ASNS: variants seen among roughly 807,000 people sequenced by gnomAD.
ASNS encodes asparagine synthetase [glutamine-hydrolyzing].
A neutral mutation model predicts 62.6 loss-of-function variants in ASNS; 37 were observed. That is an observed-to-expected ratio of 0.59 (90% CI 0.45 to 0.78). ASNS has a LOEUF of 0.78. ASNS is among the 30% of genes least tolerant of loss of function. ASNS has a pLI of 0.00. For synonymous variants in ASNS, 207 were observed against 237.9 expected (o/e 0.87, Z 1.19); for missense variants, 520 against 682.4 (o/e 0.76, Z 2.65).
chr7:97,875,205 G>C (rs1792412716), upstream of ASNS, among the ~76,000 whole-genome samples: 1 of 152,158 alleles, frequency 6.6e-6, no homozygotes, highest in Non-Finnish European at 1.5e-5. Context: ...GAGTGCAGTG[G>C]TGCAATCTCA....
the ASNS span, among the ~76,000 whole-genome samples, chr7:97,913,258 C>T: frequency 6.6e-6 from 1 of 152,188 alleles, no homozygotes; most frequent in Non-Finnish European, 1.5e-5. Context: ...TGCCAGGACC[C>T]AATTTTTCCC....
intron 1 of ASNS, among the ~76,000 whole-genome samples, chr7:97,871,434 A>C (rs1249335742): frequency 1.3e-5 from 2 of 152,180 alleles, no homozygotes; most frequent in East Asian, 3.9e-4. Context: ...AACCAACTAC[A>C]GACAGGTTCA....
the ASNS span, among the ~76,000 whole-genome samples, chr7:97,900,379 A>AAAAAAC: frequency 5.3e-5 from 8 of 150,166 alleles, no homozygotes; most frequent in Non-Finnish European, 8.9e-5. Context: ...AAAAAAAAAA[A>AAAAAAC]AAAAACAGAA....
the ASNS span, among the ~76,000 whole-genome samples, chr7:97,919,853 GA>G: frequency 0.042 from 6,414 of 152,240 alleles, 315 homozygotes; most frequent in African/African-American, 0.11. Context: ...GGAAAGCAAG[GA>G]AAATACACAA....
At chr7:97,884,574 T>G in the ASNS span, among the ~76,000 whole-genome samples, 1 of 152,100 alleles carries the variant, frequency 6.6e-6, no homozygotes, top group Non-Finnish European at 1.5e-5. Flanking sequence ...TTAAATCTGC[T>G]CTATGCCTAT....
At chr7:97,927,605 A>G in the ASNS span, among the ~76,000 whole-genome samples, 1 of 152,272 alleles carries the variant, frequency 6.6e-6, no homozygotes, top group East Asian at 1.9e-4. Context: ...CACGTAAAAG[A>G]AGGAGGTAGA....
At chr7:97,887,490 G>A in the ASNS span, among the ~76,000 whole-genome samples, 1 of 151,020 alleles carries the variant, frequency 6.6e-6, no homozygotes, top group Non-Finnish European at 1.5e-5. Context: ...CTAATGTTGA[G>A]TTTTGAATTG....
the ASNS span, among the ~76,000 whole-genome samples, chr7:97,881,872 A>T: frequency 4.0e-3 from 614 of 152,170 alleles, 4 homozygotes; most frequent in African/African-American, 0.014. Flanking sequence ...ATCCCAACAC[A>T]GCGTGACCGA....
intron 2 of ASNS, 98 bp from the exon 3 acceptor site, chr7:97,869,277 A>G (rs756325568): frequency 9.2e-5 from 126 of 1,362,846 alleles, no homozygotes; most frequent in Non-Finnish European, 1.2e-4. Context: ...CACTTCAAAG[A>G]CTAAAATTTA....
At chr7:97,919,030 C>G in the ASNS span, among the ~76,000 whole-genome samples, 2 of 152,124 alleles carry the variant, frequency 1.3e-5, no homozygotes, top group African/African-American at 4.8e-5. Flanking sequence ...TCAAGAAAAG[C>G]AAATCAAGAG....
At position 97,852,248 on chromosome 7, in the gene ASNS, A is replaced by G. The variant is rs773814355; in HGVS notation, c.*11T>C. Reference sequence around the variant, plus strand: ...GAAATATTTGCTTTCACATTACAGCATAAAGACCACCTAAGCTTTGACAGC... The same window carrying G: ...GAAATATTTGCTTTCACATTACAGCGTAAAGACCACCTAAGCTTTGACAGC... On this transcript the variant is annotated 3_prime_UTR_variant, in exon 13 of 13. Transcript: ENST00000394308. The G allele has an allele frequency of 1.2e-6, 2 of 1,614,016 alleles. No individual in the cohort carries two copies. Among genetic ancestry groups the G allele is most frequent in the South Asian group, 1.1e-5 (1 of 91,076 alleles).
chr7:97,903,392 G>A, the ASNS span, among the ~76,000 whole-genome samples: 1 of 151,930 alleles, frequency 6.6e-6, no homozygotes, highest in Non-Finnish European at 1.5e-5. Flanking sequence ...GATTCACATG[G>A]GAATTTTGTA....
the ASNS span, among the ~76,000 whole-genome samples, chr7:97,881,687 C>T: frequency 3.3e-5 from 5 of 152,146 alleles, no homozygotes; most frequent in African/African-American, 2.4e-5. Flanking sequence ...GGTATCGTCT[C>T]ATCTCCCCAG....
At chr7:97,896,741 C>CACACACATATAT in the ASNS span, among the ~76,000 whole-genome samples, 55 of 19,770 alleles carry the variant, frequency 2.8e-3, no homozygotes, top group African/African-American at 6.0e-3. Context: ...CACACACACA[C>CACACACATATAT]ATATATATAT....
At chr7:97,855,266 G>C in intron 9 of ASNS, 87 bp downstream of exon 9, 1 of 954,332 alleles carries the variant, frequency 1.0e-6, no homozygotes, top group Admixed American at 1.9e-5. Context: ...AAATATCACT[G>C]TCATACTGAA....
chr7:97,913,537 T>C, the ASNS span, among the ~76,000 whole-genome samples: 1 of 152,092 alleles, frequency 6.6e-6, no homozygotes. Flanking sequence ...CTCTATTGAG[T>C]GTCGATGATG....
At chr7:97,870,713 A>C (rs1052927083) in intron 1 of ASNS, among the ~76,000 whole-genome samples, 1 of 152,212 alleles carries the variant, frequency 6.6e-6, no homozygotes, top group Non-Finnish European at 1.5e-5. Context: ...CTTTGACTCT[A>C]TATCAATTTA....
the ASNS span, among the ~76,000 whole-genome samples, chr7:97,927,388 C>A: frequency 6.6e-6 from 1 of 152,250 alleles, no homozygotes; most frequent in Non-Finnish European, 1.5e-5. Context: ...GTAACAACCC[C>A]AGGCAATGGG....
chr7:97,904,811 C>T, the ASNS span, among the ~76,000 whole-genome samples: 2 of 152,202 alleles, frequency 1.3e-5, no homozygotes, highest in Non-Finnish European at 2.9e-5. Flanking sequence ...AAAACGACAG[C>T]TGGTGGTCTT....
Sources: allele counts gnomAD v4.1 joint callset (sites outside exome capture counted in the v4.1 genomes callset), GRCh38; gene constraint gnomAD v4.1.1; transcripts MANE v1.5; gene names NCBI Gene and HGNC (gene_info 2026-07-23, HGNC 2026-07-21).